Variants in LRRK2 observed in about 807,000 individuals in gnomAD.
LRRK2 encodes the protein leucine-rich repeat serine/threonine-protein kinase 2.
A neutral mutation model predicts 302.6 loss-of-function variants in LRRK2; 203 were observed. The observed-to-expected ratio is 0.67, with a 90% CI of 0.60 to 0.75. The LOEUF (loss-of-function observed/expected upper bound fraction) is 0.75. Among genes scored for constraint, LRRK2 ranks in the 30% least tolerant of loss-of-function variants. The pLI, the probability that LRRK2 is intolerant of heterozygous loss-of-function variation, is 0.00. For missense variants in LRRK2, 2,830 were observed against 2,951.0 expected, an observed-to-expected ratio of 0.96 and a Z score of 0.95; for synonymous variants, 1,066 against 1,031.9, an observed-to-expected ratio of 1.03 and a Z score of -0.63.
intron 47 of LRRK2, among the ~76,000 whole-genome samples, chr12:40,362,463 T>C (rs1316779501): frequency 6.6e-6 from 1 of 152,076 alleles, no homozygotes; most frequent in Non-Finnish European, 1.5e-5. Context: ...CAGAGGTGCT[T>C]ATCTGTGCAA....
intron 19 of LRRK2, among the ~76,000 whole-genome samples, chr12:40,285,841 A>G (rs1425830268): frequency 1.3e-5 from 2 of 152,038 alleles, no homozygotes; most frequent in African/African-American, 2.4e-5. Context: ...TGTTTTTACT[A>G]TGCTAATGTT....
intron 20 of LRRK2, among the ~76,000 whole-genome samples, chr12:40,288,430 C>A (rs756445034): frequency 6.6e-4 from 101 of 151,908 alleles, no homozygotes; most frequent in Non-Finnish European, 1.1e-3. Flanking sequence ...CCTGGCCCCC[C>A]TGACCCTTAG....
At position 40,310,498 on chromosome 12, in the gene LRRK2, G is replaced by A. The variant is rs142095251; in HGVS notation, c.4385G>A (p.Arg1462His). 20 of 1,612,640 alleles carry A rather than the reference G, an allele frequency of 1.2e-5. No individual in the cohort carries two copies. The highest frequency in any genetic ancestry group is 1.5e-5 in the Non-Finnish European group (18 of 1,179,722). Residue 1462 changes from arginine (R) to histidine (H), a missense_variant, in exon 31 of 51, where the codon CGC becomes CAC. Arg to His is a conservative substitution (Grantham distance 29). Around this residue, in one of 3 missense-constraint regions of LRRK2, gnomAD observed 2,121 missense variants for 2,148.0 expected, o/e 0.99. Coordinates refer to ENST00000298910, the MANE Select transcript of LRRK2 (RefSeq NM_198578.4). ...THLDVSDEKQRKACMSKITKE... is the reference protein window; with the variant it reads ...THLDVSDEKQHKACMSKITKE... Reference sequence around the variant, plus strand: ...TTGGATGTTTCTGATGAGAAGCAACGCAAAGCCTGCATGAGTAAAATCACC... The same window carrying A: ...TTGGATGTTTCTGATGAGAAGCAACACAAAGCCTGCATGAGTAAAATCACC...
chr12:40,298,228 C>T lies in LRRK2; in HGVS notation c.3097-15C>T. On this transcript the variant is annotated splice_polypyrimidine_tract_variant and intron_variant, in intron 23 of 50. Coordinates refer to ENST00000298910, the MANE Select transcript of LRRK2 (RefSeq NM_198578.4). ...AGATGGTTCACTTTAGAATTTTAAA[C>T]TATTGTCTTTTCAGACTCTGAAGAG... 1.2e-6 allele frequency: 2 copies of T among 1,611,966 alleles called. No homozygotes were observed. Among genetic ancestry groups the T allele is most frequent in the Non-Finnish European group, 1.7e-6 (2 of 1,179,632 alleles).
rs1323702701 is a variant in LRRK2 at position 40,346,860 on chromosome 12, A to G, written c.6217A>G (p.Ile2073Val). 1.2e-6 allele frequency: 2 copies of G among 1,613,868 alleles called. No individual in the cohort carries two copies. Among genetic ancestry groups the G allele is most frequent in the Non-Finnish European group, 1.7e-6 (2 of 1,179,842 alleles). The change falls in exon 42 of 51, where the codon ATA becomes GTA. Residue 2073 changes from isoleucine to valine, a missense_variant. Transcript: ENST00000298910. ...TGACATTTTGACAACTGGAGGTAGA[A>G]TAGTAGAGGGTTTGAAGTTTCCAAA... ...LYDILTTGGR[I>V]VEGLKFPNEF...
intron 12 of LRRK2, among the ~76,000 whole-genome samples, chr12:40,257,820 A>G (rs560391258): frequency 6.6e-6 from 1 of 152,220 alleles, no homozygotes; most frequent in South Asian, 2.1e-4. Context: ...GAAAATTTTA[A>G]CTACATCTAG....
intron 42 of LRRK2, among the ~76,000 whole-genome samples, chr12:40,348,117 G>T (rs754280854): frequency 2.0e-4 from 30 of 152,112 alleles, no homozygotes; most frequent in Non-Finnish European, 4.0e-4. Context: ...ATGAGTAAAA[G>T]TGTTTCCAAA....
At chr12:40,281,856 A>C (rs181989172) in intron 18 of LRRK2, among the ~76,000 whole-genome samples, 171 of 152,338 alleles carry the variant, frequency 1.1e-3, no homozygotes, top group African/African-American at 3.7e-3. Flanking sequence ...TCCTGTTTCA[A>C]GATGGTTTGT....
At chr12:40,232,010 G>C (rs1354292794) in intron 2 of LRRK2, among the ~76,000 whole-genome samples, 1 of 151,712 alleles carries the variant, frequency 6.6e-6, no homozygotes, top group Non-Finnish European at 1.5e-5. Flanking sequence ...CACCATCTTG[G>C]CCACATTGGT....
At chr12:40,256,624 A>G (rs534497481) in intron 11 of LRRK2, among the ~76,000 whole-genome samples, 2 of 152,338 alleles carry the variant, frequency 1.3e-5, no homozygotes, top group South Asian at 4.1e-4. Flanking sequence ...AATGCTTTCC[A>G]TTCATTTGTA....
At chr12:40,310,675 T>C (rs1945010211) in intron 31 of LRRK2, 26 bp downstream of exon 31, 4 of 1,603,378 alleles carry the variant, frequency 2.5e-6, no homozygotes, top group Non-Finnish European at 3.4e-6. Flanking sequence ...GGTAGAGAAA[T>C]GTAATTTATT....
chr12:40,333,215 T>G (rs1945767082), intron 39 of LRRK2, among the ~76,000 whole-genome samples: 1 of 152,114 alleles, frequency 6.6e-6, no homozygotes, highest in East Asian at 1.9e-4. Flanking sequence ...AAAAAAGATT[T>G]TATCTACTAA....
intron 10 of LRRK2, 77 bp from the exon 11 acceptor site, chr12:40,252,833 A>G: frequency 1.1e-6 from 1 of 934,302 alleles, no homozygotes; most frequent in Non-Finnish European, 1.7e-6. Context: ...TGTTAGAGAT[A>G]TTTGATAATG....
rs751266778 is a variant in LRRK2 at position 40,251,526 on chromosome 12, T to C, written c.1163T>C (p.Ile388Thr). 9.9e-6 allele frequency: 16 copies of C among 1,612,004 alleles called. No homozygotes were observed. The highest frequency in any genetic ancestry group is 1.3e-5 in the African/African-American group (1 of 74,850). ...LMYQNSLHEK[I>T]GDEDGHFPAH... ...TACCAAAACAGTTTACATGAGAAGA[T>C]TGGAGATGAAGATGGCCAGTTAGTA... The change falls in exon 10 of 51, where the codon ATT (isoleucine) becomes ACT (threonine). Residue 388 changes from isoleucine (I) to threonine (T), a missense_variant. Ile to Thr is a moderately conservative substitution (Grantham distance 89). Coordinates refer to ENST00000298910, the MANE Select transcript of LRRK2 (RefSeq NM_198578.4).
chr12:40,251,089 ATTATCT>A (rs1942249239), intron 8 of LRRK2, 137 bp from the exon 9 acceptor site: 1 of 537,886 alleles, frequency 1.9e-6, no homozygotes, highest in Non-Finnish European at 3.2e-6. Flanking sequence ...TATATTAAAA[ATTATCT>A]TTATAATTGA....
Position 40,321,186 on chromosome 12 carries a change from G to C in LRRK2, c.5168G>C (p.Arg1723Thr). 1 of 1,611,162 alleles carries C rather than the reference G, an allele frequency of 6.2e-7. No individual in the cohort carries two copies. Among genetic ancestry groups the C allele is most frequent in the Non-Finnish European group, 8.5e-7 (1 of 1,177,928 alleles). Residue 1723 changes from arginine (R) to threonine (T), a missense_variant and splice_region_variant, in exon 35 of 51, where the codon AGA becomes ACA. Physicochemically the swap from Arg to Thr is moderately conservative, Grantham distance 71 (BLOSUM62 -1). Coordinates refer to ENST00000298910, the MANE Select transcript of LRRK2 (RefSeq NM_198578.4). ...LEISPYMLSG[R>T]ERALRPNRMY... ...ATTTCACCTTACATGCTTTCAGGGA[G>C]AGGTAAGTATCTAATGAAGACTTAT...
intron 23 of LRRK2, among the ~76,000 whole-genome samples, chr12:40,297,646 C>G (rs1944432710): frequency 6.6e-6 from 1 of 151,828 alleles, no homozygotes; most frequent in South Asian, 2.1e-4. Flanking sequence ...TATTTTAGCT[C>G]TTTGAGAGTA....
chr12:40,252,888 A>G (rs1942340175), intron 10 of LRRK2, 22 bp from the exon 11 acceptor site: 1 of 1,503,530 alleles, frequency 6.7e-7, no homozygotes. Flanking sequence ...TACTACTAAC[A>G]TTTTGTTTGA....
chr12:40,314,149 G>A lies in LRRK2; in HGVS notation c.4714G>A (p.Ala1572Thr), dbSNP rs1945129316. ...GTTAGATGAAAATGAGCTTCCTCAC[G>A]CAGTTCACTTTCTAAATGAATCAGG... is the stretch of plus-strand genomic sequence containing the variant. ...LQLDENELPH[A>T]VHFLNESGVL... The change falls in exon 32 of 51, where the codon GCA (alanine) becomes ACA (threonine). Residue 1572 changes from alanine to threonine, a missense_variant. Transcript: ENST00000298910. 6.8e-6 allele frequency: 11 copies of A among 1,612,318 alleles called. No homozygotes were observed. The highest frequency in any genetic ancestry group is 1.7e-5 in the Admixed American group (1 of 59,862).
Sources: gnomAD v4.1 joint callset for allele counts (sites outside exome capture counted in the v4.1 genomes callset) on GRCh38, gnomAD v4.1.1 for gene constraint, gnomAD v4.1.1 regional missense constraint, MANE v1.5 for transcripts, NCBI Gene and HGNC (gene_info 2026-07-23, HGNC 2026-07-21) for gene names.